The following FERRY3 variants were observed in gnomAD, a reference collection of about 807,000 sequenced individuals.
The protein encoded by FERRY3 is FERRY endosomal RAB5 effector complex subunit 3.
the FERRY3 span, chr12:4,505,323 T>A: frequency 5.0e-6 from 8 of 1,602,624 alleles, no homozygotes; most frequent in East Asian, 1.8e-4. Flanking sequence ...AACATTTAAA[T>A]AGTTCCTCTC....
chr12:4,491,271 T>C, the FERRY3 span: 1 of 1,551,250 alleles, frequency 6.4e-7, no homozygotes, highest in South Asian at 1.1e-5. Context: ...ATGTTTTTGA[T>C]AGAACTTTGT....
the FERRY3 span, chr12:4,489,670 C>T: frequency 5.1e-6 from 3 of 588,504 alleles, no homozygotes; most frequent in African/African-American, 5.7e-5. Context: ...AATGGTTTCA[C>T]ACACATGTAT....
the FERRY3 span, chr12:4,502,345 G>A: frequency 2.3e-6 from 1 of 435,230 alleles, no homozygotes; most frequent in Non-Finnish European, 4.5e-6. This position sits in a 1 kb window ranked among gnomAD's most constrained non-coding sequence, Gnocchi z 4.2. Flanking sequence ...AGTATTTGTT[G>A]AATGAATGAG....
the FERRY3 span, among the ~76,000 whole-genome samples, chr12:4,529,438 T>C: frequency 7.2e-5 from 11 of 152,166 alleles, no homozygotes; most frequent in Admixed American, 4.6e-4. Context: ...AAGTCAGGTT[T>C]CCTGGTTTCA....
At chr12:4,525,538 T>G in the FERRY3 span, 1 of 1,612,742 alleles carries the variant, frequency 6.2e-7, no homozygotes, top group Admixed American at 1.7e-5. Flanking sequence ...GATCTGTCAG[T>G]GATTTTCCCA....
At chr12:4,525,602 A>G in the FERRY3 span, 1 of 1,542,524 alleles carries the variant, frequency 6.5e-7, no homozygotes, top group Non-Finnish European at 8.9e-7. Context: ...CAAATAAACA[A>G]ATCAGGGATA....
chr12:4,500,362 A>G, the FERRY3 span: 1 of 1,596,496 alleles, frequency 6.3e-7, no homozygotes. Flanking sequence ...AAATACAATC[A>G]TGATTACCAA....
the FERRY3 span, chr12:4,489,908 C>A: frequency 6.6e-7 from 1 of 1,525,774 alleles, no homozygotes; most frequent in South Asian, 1.2e-5. Flanking sequence ...CTCTGTAAGA[C>A]GAAAAAATAA....
chr12:4,489,193 G>A, the FERRY3 span: 12 of 152,738 alleles, frequency 7.9e-5, no homozygotes, highest in African/African-American at 2.6e-4. Context: ...ACAGCGGGAG[G>A]ATGAGAGAGA....
the FERRY3 span, chr12:4,500,384 A>G: frequency 6.5e-7 from 1 of 1,537,530 alleles, no homozygotes; most frequent in Non-Finnish European, 9.0e-7. Context: ...TGCCTAAGTA[A>G]GTCACATTCA....
chr12:4,495,835 G>A, the FERRY3 span, among the ~76,000 whole-genome samples: 1 of 152,146 alleles, frequency 6.6e-6, no homozygotes, highest in Non-Finnish European at 1.5e-5. Flanking sequence ...ACACTTTTCA[G>A]AATTTGGTAT....
At chr12:4,532,276 C>T in the FERRY3 span, among the ~76,000 whole-genome samples, 1 of 152,064 alleles carries the variant, frequency 6.6e-6, no homozygotes, top group African/African-American at 2.4e-5. Flanking sequence ...AAGACTGCAG[C>T]TCACTGCAGT....
the FERRY3 span, chr12:4,489,008 TGA>T: frequency 6.6e-6 from 1 of 152,426 alleles, no homozygotes; most frequent in Non-Finnish European, 1.5e-5. Context: ...TTAAGCAAGC[TGA>T]GAACGCAGGG....
At chr12:4,515,068 C>T in the FERRY3 span, among the ~76,000 whole-genome samples, 2 of 151,526 alleles carry the variant, frequency 1.3e-5, no homozygotes, top group African/African-American at 4.8e-5. Flanking sequence ...TACCCTAAAA[C>T]TTAAAGTATA....
the FERRY3 span, chr12:4,502,304 A>G: frequency 2.5e-6 from 1 of 396,382 alleles, no homozygotes; most frequent in Non-Finnish European, 4.9e-6. This position sits in a 1 kb window ranked among gnomAD's most constrained non-coding sequence, Gnocchi z 4.2. Context: ...AGCAAGTAGA[A>G]CAGCACCTGG....
the FERRY3 span, among the ~76,000 whole-genome samples, chr12:4,493,661 A>G: frequency 6.6e-6 from 1 of 152,244 alleles, no homozygotes; most frequent in East Asian, 1.9e-4. Context: ...ATTTCCTTCT[A>G]ACTGCAAAGG....
chr12:4,504,515 C>T, the FERRY3 span, among the ~76,000 whole-genome samples: 613 of 152,004 alleles, frequency 4.0e-3, 2 homozygotes, highest in African/African-American at 0.014. Context: ...AGCAGAAAAA[C>T]GTAAGAGGAA....
At chr12:4,493,922 G>C in the FERRY3 span, among the ~76,000 whole-genome samples, 4 of 151,966 alleles carry the variant, frequency 2.6e-5, no homozygotes, top group African/African-American at 9.7e-5. Context: ...GTGAAACCCC[G>C]TCTCTACTAA....
chr12:4,490,015 G>C, the FERRY3 span: 1 of 650,106 alleles, frequency 1.5e-6, no homozygotes. Flanking sequence ...GAGTGCAGTA[G>C]GTGAAAATTA....
Sources: allele counts gnomAD v4.1 joint callset (sites outside exome capture counted in the v4.1 genomes callset), GRCh38; gene constraint gnomAD v4.1.1; non-coding constraint Gnocchi (gnomAD v3.1); transcripts MANE v1.5; gene names NCBI Gene and HGNC (gene_info 2026-07-23, HGNC 2026-07-21).